TFAP2C: variants seen among roughly 807,000 people sequenced by gnomAD.
The protein encoded by TFAP2C is activating enhancer-binding protein 2 gamma.
Under a neutral mutation model 42.9 loss-of-function variants are expected in TFAP2C, and 9 were observed. The observed-to-expected ratio is 0.21, with a 90% CI of 0.13 to 0.37. The LOEUF (loss-of-function observed/expected upper bound fraction) is 0.37, where lower values mean the gene tolerates loss of function less well. Among genes scored for constraint, TFAP2C ranks in the 10% least tolerant of loss-of-function variants. The pLI, the probability that TFAP2C is intolerant of heterozygous loss-of-function variation, is 1.00. For missense variants in TFAP2C, 462 were observed against 591.7 expected (o/e 0.78, Z 2.27); for synonymous variants, 264 against 256.0 (o/e 1.03, Z -0.30).
rs377542297 is a variant in TFAP2C, at chr20:56,631,185, G to GT, written c.49-9dup. On this transcript the variant is annotated intron_variant, in intron 1 of 6. Coordinates refer to ENST00000201031, the MANE Select transcript of TFAP2C (RefSeq NM_003222.4). The surrounding 1 kb of genome is among the most constrained non-coding windows in gnomAD (Gnocchi z 6.1). ...GGGTTTCGCACTAACGGGGTCTCCT[G>GT]TTTTTTTTTTTCCCTCCAGGATCGC... is the stretch of plus-strand genomic sequence containing the variant. The GT allele has an allele frequency of 0.074, 55,984 of 760,846 alleles. 63 individuals are homozygous for GT. Among genetic ancestry groups the GT allele is most frequent in the South Asian group, 0.12 (5,193 of 42,286 alleles). The allele number at this position is 760,846 out of a possible 1,614,324, so 47.1% of individuals were successfully genotyped here.
chr20:56,633,024 G>C (rs1243534109), intron 3 of TFAP2C, among the ~76,000 whole-genome samples: 1 of 152,094 alleles, frequency 6.6e-6, no homozygotes, highest in African/African-American at 2.4e-5. Context: ...AGGAGTTTGA[G>C]ACCAGCCTGG....
chr20:56,636,834 G>A (rs1457698003), intron 6 of TFAP2C, 80 bp downstream of exon 6: 29 of 1,459,828 alleles, frequency 2.0e-5, no homozygotes, highest in East Asian at 2.3e-5. Context: ...CCACAGTCCC[G>A]ATGGCTCAAC....
At chr20:56,636,481 G>T (rs372289602) in intron 5 of TFAP2C, 129 bp from the exon 6 acceptor site, 3 of 974,040 alleles carry the variant, frequency 3.1e-6, no homozygotes, top group East Asian at 2.6e-5. Flanking sequence ...AGCAGAGATC[G>T]GGCCACTGCA....
At chr20:56,637,079 A>G (rs951862019) in intron 6 of TFAP2C, among the ~76,000 whole-genome samples, 7 of 152,252 alleles carry the variant, frequency 4.6e-5, no homozygotes, top group Non-Finnish European at 1.0e-4. Context: ...TGTCACAACC[A>G]GTAAAGAGAG....
rs1334554713 is a variant in TFAP2C at position 56,631,057 on chromosome 20, C to T, written c.49-148C>T. On this transcript the variant is annotated intron_variant, in intron 1 of 6. Transcript: ENST00000201031. This position sits in a 1 kb window ranked among gnomAD's most constrained non-coding sequence, Gnocchi z 6.1. ...AACGAAATCCTCGGGGCGCATTGCC[C>T]CCGGGTACCTTCCGACCCTGGGCAA... 185 of 1,428,004 alleles carry T rather than the reference C, an allele frequency of 1.3e-4. No individual in the cohort carries two copies. The highest frequency in any genetic ancestry group is 1.6e-4 in the Non-Finnish European group (180 of 1,099,798). 88.5% of individuals were successfully genotyped at this position (1,428,004 alleles called of 1,614,324 possible).
chr20:56,633,552 G>A lies in TFAP2C; in HGVS notation c.786G>A (p.Leu262=), dbSNP rs1195345863. 6.2e-7 allele frequency: 1 copy of A among 1,614,044 alleles called. No individual in the cohort carries two copies. Reference sequence around the variant, plus strand: ...CTGAATGCTTAAATGCCTCGTTACTGGGAGGTGTTCTCAGAAGGTACTTGG... The same window carrying A: ...CTGAATGCTTAAATGCCTCGTTACTAGGAGGTGTTCTCAGAAGGTACTTGG... The part of the protein sequence containing the change: ...SPPECLNASL[L]GGVLRRAKSK... The change falls in exon 4 of 7, where the codon CTG becomes CTA. Residue 262 remains leucine (L), a synonymous_variant. Coordinates refer to ENST00000201031, the MANE Select transcript of TFAP2C (RefSeq NM_003222.4).
chr20:56,633,085 T>A (rs1987522813), intron 3 of TFAP2C, among the ~76,000 whole-genome samples: 1 of 151,946 alleles, frequency 6.6e-6, no homozygotes, highest in South Asian at 2.1e-4. Flanking sequence ...ATTAGCTGGA[T>A]GTAGTGGTGG....
At position 56,631,724 on chromosome 20, in the gene TFAP2C, T is replaced by C; in HGVS notation, c.534+34T>C. ...CGCTGCGGCTCCTGACCGGACCTGTTCACCCTACGGCCTTCTGCCCCCACC... is the reference window on the plus strand; with the variant it reads ...CGCTGCGGCTCCTGACCGGACCTGTCCACCCTACGGCCTTCTGCCCCCACC... On this transcript the variant is annotated intron_variant, in intron 2 of 6. Transcript: ENST00000201031. This position sits in a 1 kb window ranked among gnomAD's most constrained non-coding sequence, Gnocchi z 6.1. 1 of 1,608,632 alleles carries C rather than the reference T, an allele frequency of 6.2e-7. No individual in the cohort carries two copies. Among genetic ancestry groups the C allele is most frequent in the Non-Finnish European group, 8.5e-7 (1 of 1,177,776 alleles).
rs544927901 is a variant in TFAP2C, at chr20:56,636,452, G to A, written c.923-158G>A. On this transcript the variant is annotated intron_variant, in intron 5 of 6. Coordinates refer to ENST00000201031, the MANE Select transcript of TFAP2C (RefSeq NM_003222.4). ...GAGGCACGAGAATTGCTTGAATTCC[G>A]GAGGTGGAGGTTGCAGTGAGCAGAG... 2.0e-4 allele frequency among the ~76,000 whole-genome samples: 30 copies of A among 152,044 alleles called. No homozygotes were observed. In the Middle Eastern group the frequency reaches 0.014, roughly 69 times the overall value.
At position 56,630,037 on chromosome 20, in the gene TFAP2C, C is replaced by T. The variant is rs1182348048; in HGVS notation, c.48+445C>T. ...CTGCCCCGCTACCTCCTCGGGGAAG[C>T]ACGAAAACAACCGAAGTTTGGCTTT... On this transcript the variant is annotated intron_variant, in intron 1 of 6. Coordinates refer to ENST00000201031, the MANE Select transcript of TFAP2C (RefSeq NM_003222.4). This position sits in a 1 kb window ranked among gnomAD's most constrained non-coding sequence, Gnocchi z 5.1. 6.6e-6 allele frequency among the ~76,000 whole-genome samples: 1 copy of T among 152,132 alleles called. No homozygotes were observed. The highest frequency in any genetic ancestry group is 1.5e-5 in the Non-Finnish European group (1 of 68,024).
rs1987471787 is a variant in TFAP2C at position 56,630,721 on chromosome 20, G to T, written c.49-484G>T. The T allele has an allele frequency of 9.1e-6, 9 of 985,370 alleles. No homozygotes were observed. Among genetic ancestry groups the T allele is most frequent in the Non-Finnish European group, 9.6e-6 (8 of 829,896 alleles). The allele number at this position is 985,370 out of a possible 1,614,324, so 61.0% of individuals were successfully genotyped here. ...AAGGGAGGGTCCCGGGGGCGGGGGA[G>T]GTGCGCATTTCCCGCGCCGCGCACT... On this transcript the variant is annotated intron_variant, in intron 1 of 6. Coordinates refer to ENST00000201031, the MANE Select transcript of TFAP2C (RefSeq NM_003222.4). The surrounding 1 kb of genome is among the most constrained non-coding windows in gnomAD (Gnocchi z 5.1).
intron 6 of TFAP2C, 45 bp downstream of exon 6, chr20:56,636,799 C>T: frequency 6.4e-7 from 1 of 1,570,792 alleles, no homozygotes. Context: ...ATGCTCTAGA[C>T]CTTGAGGTTG....
At position 56,636,743 on chromosome 20, in the gene TFAP2C, A is replaced by T. The variant is rs372281758; in HGVS notation, c.1056A>T (p.Leu352=). 1.2e-6 allele frequency: 2 copies of T among 1,613,120 alleles called. No individual in the cohort carries two copies. The highest frequency in any genetic ancestry group is 1.3e-5 in the African/African-American group (1 of 74,868). The change falls in exon 6 of 7, where the codon CTA becomes CTT. Residue 352 remains leucine (L), a synonymous_variant. Transcript: ENST00000201031. Reference sequence around the variant, plus strand: ...AGATGGCAGCTAGGAAGAACATGCTATTGGCGGCCCAGTAAGTATCTGAAC... The same window carrying T: ...AGATGGCAGCTAGGAAGAACATGCTTTTGGCGGCCCAGTAAGTATCTGAAC... ...RNEMAARKNM[L]LAAQQLCKEF...
Position 56,630,586 on chromosome 20 carries a change from G to A in TFAP2C, c.49-619G>A, listed in dbSNP as rs1987468450. On this transcript the variant is annotated intron_variant, in intron 1 of 6. Transcript: ENST00000201031. This position sits in a 1 kb window ranked among gnomAD's most constrained non-coding sequence, Gnocchi z 5.1. ...CCCTCGGCTGGGCCCGGCCAGCAGG[G>A]AGGGCCGCCCTGTGCGCGCGCTCCC... 2 of 664,372 alleles carry A rather than the reference G, an allele frequency of 3.0e-6. No homozygotes were observed. Among genetic ancestry groups the A allele is most frequent in the South Asian group, 1.3e-4 (2 of 15,038 alleles). 41.2% of individuals were successfully genotyped at this position (664,372 alleles called of 1,614,324 possible). A position where few individuals can be genotyped will look rare whatever the true frequency, so the allele number is the denominator to read the frequency against.
At chr20:56,636,553 G>C in intron 5 of TFAP2C, 57 bp from the exon 6 acceptor site, 6 of 1,531,570 alleles carry the variant, frequency 3.9e-6, no homozygotes, top group Non-Finnish European at 5.3e-6. Flanking sequence ...GAGAGGAAAA[G>C]GGCAGTTTGG....
rs140351622 is a variant in TFAP2C, at chr20:56,630,732, C to T, written c.49-473C>T. The T allele has an allele frequency of 5.1e-6, 5 of 985,372 alleles. No homozygotes were observed. The highest frequency in any genetic ancestry group is 1.1e-4 in the East Asian group (1 of 8,772). 61.0% of individuals were successfully genotyped at this position (985,372 alleles called of 1,614,324 possible). A position where few individuals can be genotyped will look rare whatever the true frequency, so the allele number is the denominator to read the frequency against. ...CCGGGGGCGGGGGAGGTGCGCATTTCCCGCGCCGCGCACTCTATCCGCGCC... is the reference window on the plus strand; with the variant it reads ...CCGGGGGCGGGGGAGGTGCGCATTTTCCGCGCCGCGCACTCTATCCGCGCC... On this transcript the variant is annotated intron_variant, in intron 1 of 6. Coordinates refer to ENST00000201031, the MANE Select transcript of TFAP2C (RefSeq NM_003222.4). This position sits in a 1 kb window ranked among gnomAD's most constrained non-coding sequence, Gnocchi z 5.1.
Position 56,638,092 on chromosome 20 carries a change from C to G in TFAP2C, c.*79C>G. ...CCTTCTCCACCGCACAGACTGGGAACCCCTCCTGGCCTGGGGGAAGAGTTT... is the reference window on the plus strand; with the variant it reads ...CCTTCTCCACCGCACAGACTGGGAAGCCCTCCTGGCCTGGGGGAAGAGTTT... On this transcript the variant is annotated 3_prime_UTR_variant, in exon 7 of 7. Coordinates refer to ENST00000201031, the MANE Select transcript of TFAP2C (RefSeq NM_003222.4). The G allele has an allele frequency of 7.6e-7, 1 of 1,323,070 alleles. No individual in the cohort carries two copies. Among genetic ancestry groups the G allele is most frequent in the Non-Finnish European group, 1.0e-6 (1 of 973,040 alleles). The allele number at this position is 1,323,070 out of a possible 1,614,324, so 82.0% of individuals were successfully genotyped here.
At chr20:56,634,040 T>C (rs1229181581) in intron 4 of TFAP2C, 110 bp from the exon 5 acceptor site, 4 of 737,186 alleles carry the variant, frequency 5.4e-6, no homozygotes, top group African/African-American at 5.3e-5. Flanking sequence ...TAGTCTTTGA[T>C]GGGTTTCAGC....
Position 56,631,603 on chromosome 20 carries a change from G to A in TFAP2C, c.447G>A (p.Leu149=). Residue 149 remains leucine, a synonymous_variant, in exon 2 of 7, where the codon CTG becomes CTA. Transcript: ENST00000201031. The surrounding 1 kb of genome is among the most constrained non-coding windows in gnomAD (Gnocchi z 6.1). ...ATGCCTACCGCCGCTCCGACCTGCTGCTGCCCCACGCACACGCCCTGGATG... is the reference window on the plus strand; with the variant it reads ...ATGCCTACCGCCGCTCCGACCTGCTACTGCCCCACGCACACGCCCTGGATG... ...RRDAYRRSDL[L]LPHAHALDAA... is the part of the protein sequence containing the mutation. 1 of 1,559,068 alleles carries A rather than the reference G, an allele frequency of 6.4e-7. No individual in the cohort carries two copies. The highest frequency in any genetic ancestry group is 1.8e-5 in the Admixed American group (1 of 54,074).
Sources: gnomAD v4.1 joint callset for allele counts (sites outside exome capture counted in the v4.1 genomes callset) on GRCh38, gnomAD v4.1.1 for gene constraint, Gnocchi (gnomAD v3.1) non-coding constraint, MANE v1.5 for transcripts, NCBI Gene and HGNC (gene_info 2026-07-23, HGNC 2026-07-21) for gene names.